The following MGAT5B variants were observed in gnomAD, a reference collection of about 807,000 sequenced individuals.
MGAT5B encodes N-acetylglucosaminyl-transferase Vb.
MGAT5B carries 54 observed loss-of-function variants against 95.1 expected under a neutral mutation model. That is an observed-to-expected ratio of 0.57 (90% CI 0.46 to 0.71). The LOEUF is 0.71. Ranked by LOEUF, MGAT5B falls within the 30% of genes least tolerant of loss-of-function variation. MGAT5B has a pLI of 0.00. For missense variants in MGAT5B, 935 were observed against 1,088.6 expected, an observed-to-expected ratio of 0.86 and a Z score of 1.99; for synonymous variants, 464 against 451.0, an observed-to-expected ratio of 1.03 and a Z score of -0.36.
At position 76,915,181 on chromosome 17, in the gene MGAT5B, A is replaced by G. The variant is rs1025653712; in HGVS notation, c.1025+8994A>G. Among the ~76,000 whole-genome samples, 5 of 152,132 alleles carry G rather than the reference A, an allele frequency of 3.3e-5. No individual in the cohort carries two copies. Among genetic ancestry groups the G allele is most frequent in the Non-Finnish European group, 7.3e-5 (5 of 68,034 alleles). On this transcript the variant is annotated intron_variant, in intron 8 of 17. Coordinates refer to ENST00000569840, the MANE Select transcript of MGAT5B (RefSeq NM_001199172.2). This position sits in a 1 kb window ranked among gnomAD's most constrained non-coding sequence, Gnocchi z 8.7. ...TTAAATGTGGCTGCAAAGGAGCCAG[A>G]ACAGTAGGGAGGTTGTGGACATAGG...
At chr17:76,897,288 G>A (rs185744821) in intron 3 of MGAT5B, among the ~76,000 whole-genome samples, 79 of 152,248 alleles carry the variant, frequency 5.2e-4, no homozygotes, top group African/African-American at 1.8e-3. Context: ...TCTTAGTTTC[G>A]TAGAGTTGCC....
intron 12 of MGAT5B, 118 bp downstream of exon 12, chr17:76,933,415 G>T: frequency 7.4e-7 from 1 of 1,346,040 alleles, no homozygotes; most frequent in Non-Finnish European, 1.0e-6. Context: ...TGGGGCTTGT[G>T]GCTCCTGTGG....
In MGAT5B at chr17:76,930,775, A is replaced by C. The variant is rs1567819799; in HGVS notation, c.1292-1870A>C. On this transcript the variant is annotated intron_variant, in intron 10 of 17. Coordinates refer to ENST00000569840, the MANE Select transcript of MGAT5B (RefSeq NM_001199172.2). The surrounding 1 kb of genome is among the most constrained non-coding windows in gnomAD (Gnocchi z 4.1). ...GAAATCCCGGGGCAATCCCTGCTGT[A>C]ACAGAGACCTAACTGCCGCAGATGG... Among the ~76,000 whole-genome samples the C allele has an allele frequency of 6.6e-6, 1 of 152,188 alleles. No homozygotes were observed. The highest frequency in any genetic ancestry group is 2.4e-5 in the African/African-American group (1 of 41,440).
chr17:76,932,580 A>G, intron 10 of MGAT5B, 65 bp from the exon 11 acceptor site: 4 of 1,571,948 alleles, frequency 2.5e-6, no homozygotes, highest in Non-Finnish European at 3.5e-6. Context: ...GGGGCAGTCC[A>G]GGGAGGCCTG....
Position 76,869,223 on chromosome 17 carries a change from T to G in MGAT5B, c.68+126T>G. On this transcript the variant is annotated intron_variant, in intron 1 of 17. Coordinates refer to ENST00000569840, the MANE Select transcript of MGAT5B (RefSeq NM_001199172.2). This position sits in a 1 kb window ranked among gnomAD's most constrained non-coding sequence, Gnocchi z 7.0. ...CGGTTCACACTTCAACCCCTGGTGA[T>G]GACCAGTGGGGCTGGGCTGGGGGAA... 1.3e-6 allele frequency: 1 copy of G among 796,580 alleles called. No homozygotes were observed. Among genetic ancestry groups the G allele is most frequent in the Non-Finnish European group, 2.2e-6 (1 of 464,634 alleles). The allele number at this position is 796,580 out of a possible 1,614,324, so 49.3% of individuals were successfully genotyped here.
chr17:76,896,051 G>T (rs114677443), intron 3 of MGAT5B, among the ~76,000 whole-genome samples: 1 of 152,042 alleles, frequency 6.6e-6, no homozygotes, highest in African/African-American at 2.4e-5. Context: ...TTCCCCACAC[G>T]GTGACAACAC....
chr17:76,913,238 A>G, intron 8 of MGAT5B, among the ~76,000 whole-genome samples: 1 of 152,332 alleles, frequency 6.6e-6, no homozygotes, highest in East Asian at 1.9e-4. Context: ...TGGGGACTCC[A>G]TCTGCTTCCT....
Position 76,869,103 on chromosome 17 carries a change from G to A in MGAT5B, c.68+6G>A, listed in dbSNP as rs1966897052. ...GTCACCCTGAGACCCTTTCGGTAAA[G>A]TTCCCTCCTGGTTGGTTTTTTCCCC... On this transcript the variant is annotated splice_donor_region_variant and intron_variant, in intron 1 of 17. Coordinates refer to ENST00000569840, the MANE Select transcript of MGAT5B (RefSeq NM_001199172.2). This position sits in a 1 kb window ranked among gnomAD's most constrained non-coding sequence, Gnocchi z 7.0. 4 of 1,614,006 alleles carry A rather than the reference G, an allele frequency of 2.5e-6. No homozygotes were observed. In the East Asian group the frequency reaches 8.9e-5, roughly 36 times the overall value.
intron 3 of MGAT5B, among the ~76,000 whole-genome samples, chr17:76,901,362 C>T (rs890430750): frequency 7.4e-5 from 11 of 148,210 alleles, no homozygotes; most frequent in Non-Finnish European, 1.6e-4. Flanking sequence ...TGCAAAGCCA[C>T]GGGGTGAGGT....
At chr17:76,880,500 G>T (rs1377223096) in intron 2 of MGAT5B, among the ~76,000 whole-genome samples, 3 of 152,188 alleles carry the variant, frequency 2.0e-5, no homozygotes, top group Non-Finnish European at 4.4e-5. Flanking sequence ...TGCAGAAGCC[G>T]CTGGCTGCCC....
rs1047937855 is a variant in MGAT5B at position 76,914,969 on chromosome 17, A to G, written c.1025+8782A>G. ...CTTCTTTTTATAAGGACACCAGTCA[A>G]CTTGGATTAGGGTCTACCCTAATGC... is the stretch of plus-strand genomic sequence containing the variant. On this transcript the variant is annotated intron_variant, in intron 8 of 17. Coordinates refer to ENST00000569840, the MANE Select transcript of MGAT5B (RefSeq NM_001199172.2). This position sits in a 1 kb window ranked among gnomAD's most constrained non-coding sequence, Gnocchi z 5.1. Among the ~76,000 whole-genome samples, 2 of 152,338 alleles carry G rather than the reference A, an allele frequency of 1.3e-5. No homozygotes were observed. The highest frequency in any genetic ancestry group is 6.5e-5 in the Admixed American group (1 of 15,300).
intron 9 of MGAT5B, 80 bp downstream of exon 9, chr17:76,925,177 C>A: frequency 1.3e-6 from 2 of 1,564,082 alleles, no homozygotes; most frequent in Non-Finnish European, 1.7e-6. Context: ...GCCCCCACGT[C>A]CCCACTCAGC....
chr17:76,869,874 C>T lies in MGAT5B; in HGVS notation c.68+777C>T, dbSNP rs1488637416. On this transcript the variant is annotated intron_variant, in intron 1 of 17. Coordinates refer to ENST00000569840, the MANE Select transcript of MGAT5B (RefSeq NM_001199172.2). This position sits in a 1 kb window ranked among gnomAD's most constrained non-coding sequence, Gnocchi z 7.0. ...GGACTCACTGGACCCAGCCAGGGGCCCCCAGGGCCCAGCGGTGCCGGGGCA... is the reference window on the plus strand; with the variant it reads ...GGACTCACTGGACCCAGCCAGGGGCTCCCAGGGCCCAGCGGTGCCGGGGCA... Among the ~76,000 whole-genome samples the T allele has an allele frequency of 1.3e-5, 2 of 152,078 alleles. No individual in the cohort carries two copies. The highest frequency in any genetic ancestry group is 1.5e-5 in the Non-Finnish European group (1 of 67,978).
At chr17:76,904,942 C>T (rs1193039968) in intron 6 of MGAT5B, among the ~76,000 whole-genome samples, 39 of 152,208 alleles carry the variant, frequency 2.6e-4, no homozygotes, top group Admixed American at 2.3e-3. Flanking sequence ...TGGCCACCTC[C>T]GTGGAAGGGC....
In MGAT5B at chr17:76,869,918, C is replaced by T. The variant is rs1257276270; in HGVS notation, c.68+821C>T. On this transcript the variant is annotated intron_variant, in intron 1 of 17. Transcript: ENST00000569840. This position sits in a 1 kb window ranked among gnomAD's most constrained non-coding sequence, Gnocchi z 7.0. ...CGGGGCAGCCCCCTCTCCTCCCAGGCATCCGCGGAACCGGCCCGCAGCGGG... is the reference window on the plus strand; with the variant it reads ...CGGGGCAGCCCCCTCTCCTCCCAGGTATCCGCGGAACCGGCCCGCAGCGGG... 6.6e-6 allele frequency among the ~76,000 whole-genome samples: 1 copy of T among 152,142 alleles called. No individual in the cohort carries two copies. Among genetic ancestry groups the T allele is most frequent in the Non-Finnish European group, 1.5e-5 (1 of 68,002 alleles).
intron 3 of MGAT5B, among the ~76,000 whole-genome samples, chr17:76,897,731 CTTTTTT>C (rs59682650): frequency 1.2e-5 from 1 of 84,848 alleles, no homozygotes; most frequent in Non-Finnish European, 2.5e-5. Context: ...CTTTCTTTTT[CTTTTTT>C]TTTTTTTTTT....
At chr17:76,873,655 G>A (rs866112025) in intron 2 of MGAT5B, among the ~76,000 whole-genome samples, 41 of 150,840 alleles carry the variant, frequency 2.7e-4, no homozygotes, top group Admixed American at 2.2e-3. Flanking sequence ...GACCAGCTGG[G>A]AGCCCTCCTC....
rs1568158050 is a variant in MGAT5B at position 76,869,974 on chromosome 17, CG to C, written c.68+879del. On this transcript the variant is annotated intron_variant, in intron 1 of 17. Transcript: ENST00000569840. This position sits in a 1 kb window ranked among gnomAD's most constrained non-coding sequence, Gnocchi z 7.0. ...GAGGGGGCGCTGCCCAGTGGACGCCCGGCGGGGCCCGAGTGTCACCCCGTGG... is the reference window on the plus strand; with the variant it reads ...GAGGGGGCGCTGCCCAGTGGACGCCCGCGGGGCCCGAGTGTCACCCCGTGG... Among the ~76,000 whole-genome samples, 1 of 152,160 alleles carries C rather than the reference CG, an allele frequency of 6.6e-6. No individual in the cohort carries two copies. The highest frequency in any genetic ancestry group is 1.5e-5 in the Non-Finnish European group (1 of 68,004).
Position 76,878,162 on chromosome 17 carries a change from C to T in MGAT5B, c.182-3989C>T, listed in dbSNP as rs573632835. On this transcript the variant is annotated intron_variant, in intron 2 of 17. Coordinates refer to ENST00000569840, the MANE Select transcript of MGAT5B (RefSeq NM_001199172.2). ...GGGGAGTGGGTCACTGGGGGAGAGT[C>T]GGCCTGACCTGCTTCCCTCCTGGGT... is the stretch of plus-strand genomic sequence containing the variant. Among the ~76,000 whole-genome samples the T allele has an allele frequency of 5.3e-5, 8 of 152,208 alleles. No individual in the cohort carries two copies. The South Asian group carries it at 8.3e-4, about 16-fold the overall frequency.
Sources: gnomAD v4.1 joint callset for allele counts (sites outside exome capture counted in the v4.1 genomes callset) on GRCh38, gnomAD v4.1.1 for gene constraint, Gnocchi (gnomAD v3.1) non-coding constraint, MANE v1.5 for transcripts, NCBI Gene and HGNC (gene_info 2026-07-23, HGNC 2026-07-21) for gene names.